The following FRMD1 variants were observed in gnomAD, a reference collection of about 807,000 sequenced individuals.
The protein encoded by FRMD1 is FERM domain-containing protein 1.
FRMD1 carries 51 observed loss-of-function variants against 54.9 expected under a neutral mutation model. That is an observed-to-expected ratio of 0.93 (90% CI 0.74 to 1.17). The LOEUF (loss-of-function observed/expected upper bound fraction) is 1.17. FRMD1 is among the 50% of genes most tolerant of loss of function. The probability of loss-of-function intolerance (pLI) is 0.00; values close to 1 mark genes in which losing one functional copy is unlikely to be tolerated. For missense variants in FRMD1, 729 were observed against 743.0 expected (o/e 0.98, Z 0.22); for synonymous variants, 324 against 306.4 (o/e 1.06, Z -0.60).
At chr6:168,061,278 G>T (rs1262687286) in intron 8 of FRMD1, among the ~76,000 whole-genome samples, 1 of 151,944 alleles carries the variant, frequency 6.6e-6, no homozygotes, top group African/African-American at 2.4e-5. Flanking sequence ...AAACGCTGAG[G>T]CGAGGCCTTG....
intron 7 of FRMD1, 86 bp from the exon 8 acceptor site, chr6:168,062,067 G>A (rs1799772564): frequency 6.4e-6 from 9 of 1,417,152 alleles, no homozygotes; most frequent in Non-Finnish European, 1.9e-6. Context: ...GTCAGCCATG[G>A]CCCCCAGGGG....
Position 168,055,579 on chromosome 6 carries a change from T to C in FRMD1, c.*1518A>G, listed in dbSNP as rs1799369474. ...CCCGGAGCGGGGCAAATCAATCATCTTGTACTAATGGGAATGGCTTTGGGA... is the reference window on the plus strand; with the variant it reads ...CCCGGAGCGGGGCAAATCAATCATCCTGTACTAATGGGAATGGCTTTGGGA... On this transcript the variant is annotated 3_prime_UTR_variant, in exon 11 of 11. Coordinates refer to ENST00000283309, the MANE Select transcript of FRMD1 (RefSeq NM_024919.6). 1 of 152,196 alleles carries C rather than the reference T, an allele frequency of 6.6e-6. No individual in the cohort carries two copies. The allele number at this position is 152,196 out of a possible 1,614,324, so 9.4% of individuals were successfully genotyped here.
At chr6:168,078,816 C>G in intron 1 of FRMD1, 66 bp downstream of exon 1, 1 of 1,362,612 alleles carries the variant, frequency 7.3e-7, no homozygotes, top group Non-Finnish European at 9.7e-7. Flanking sequence ...ACCCCCACGG[C>G]CACCCGGAGC....
At chr6:168,086,443 C>T (rs1295488452), upstream of FRMD1, among the ~76,000 whole-genome samples, 1 of 151,274 alleles carries the variant, frequency 6.6e-6, no homozygotes, top group Non-Finnish European at 1.5e-5. Flanking sequence ...CATGTCCCAA[C>T]ATGGACACTG....
At position 168,057,198 on chromosome 6, in the gene FRMD1, C is replaced by CT; in HGVS notation, c.1548dup (p.Gly517ArgfsTer143). On this transcript the variant is annotated frameshift_variant, in exon 11 of 11. Coordinates refer to ENST00000283309, the MANE Select transcript of FRMD1 (RefSeq NM_024919.6). LOFTEE classifies it low-confidence loss of function (END_TRUNC). Reference sequence around the variant, plus strand: ...AGAGTGGCCCTGGTCTCGCAGGGGCCTGCCAGCCTGCAGTCCAGGGCGCGG... The same window carrying CT: ...AGAGTGGCCCTGGTCTCGCAGGGGCCTTGCCAGCCTGCAGTCCAGGGCGCGG... 6.2e-7 allele frequency: 1 copy of CT among 1,603,020 alleles called. No individual in the cohort carries two copies. The highest frequency in any genetic ancestry group is 8.5e-7 in the Non-Finnish European group (1 of 1,174,298).
At chr6:168,064,247 C>G (rs1197105861) in intron 5 of FRMD1, among the ~76,000 whole-genome samples, 1 of 152,204 alleles carries the variant, frequency 6.6e-6, no homozygotes, top group African/African-American at 2.4e-5. Context: ...GAGAAGGCCC[C>G]AAGGTGCACA....
At position 168,059,545 on chromosome 6, in the gene FRMD1, G is replaced by T. The variant is rs2269681; in HGVS notation, c.1343-357C>A. Among the ~76,000 whole-genome samples the T allele has an allele frequency of 7.2e-5, 11 of 152,236 alleles. No homozygotes were observed. The East Asian group carries it at 2.1e-3, about 30-fold the overall frequency. ...GTGACAGGAATGCCTGGCCCTGGGAGGCCCTAGGTGATGTTTTGTGACCCT... is the reference window on the plus strand; with the variant it reads ...GTGACAGGAATGCCTGGCCCTGGGATGCCCTAGGTGATGTTTTGTGACCCT... On this transcript the variant is annotated intron_variant, in intron 9 of 10. Transcript: ENST00000283309. The surrounding 1 kb of genome is among the most constrained non-coding windows in gnomAD (Gnocchi z 4.4).
chr6:168,059,310 C>T lies in FRMD1; in HGVS notation c.1343-122G>A, dbSNP rs1227074449. On this transcript the variant is annotated intron_variant, in intron 9 of 10. Transcript: ENST00000283309. This position sits in a 1 kb window ranked among gnomAD's most constrained non-coding sequence, Gnocchi z 4.4. ...GGACCGGCATCTCCTGAGGCTCACA[C>T]CGCCCCCTTGCTCTCAGTGCGGTGA... 3 of 765,634 alleles carry T rather than the reference C, an allele frequency of 3.9e-6. No homozygotes were observed. The highest frequency in any genetic ancestry group is 6.4e-6 in the Non-Finnish European group (3 of 471,822). 47.4% of individuals were successfully genotyped at this position (765,634 alleles called of 1,614,324 possible). A position where few individuals can be genotyped will look rare whatever the true frequency, so the allele number is the denominator to read the frequency against.
At chr6:168,072,675 T>C (rs886813506) in intron 2 of FRMD1, among the ~76,000 whole-genome samples, 5 of 152,046 alleles carry the variant, frequency 3.3e-5, no homozygotes, top group African/African-American at 4.8e-5. Flanking sequence ...GGGCAGCCCC[T>C]GAATTCCCCC....
chr6:168,062,600 A>G (rs1370443990), intron 7 of FRMD1: 2 of 1,449,460 alleles, frequency 1.4e-6, no homozygotes, highest in Non-Finnish European at 1.9e-6. Context: ...AGAATTGTCC[A>G]GAAAATGCCC....
chr6:168,067,604 C>T (rs536712346), intron 2 of FRMD1, 158 bp from the exon 3 acceptor site: 8 of 579,460 alleles, frequency 1.4e-5, no homozygotes, highest in East Asian at 1.1e-4. Flanking sequence ...TGGCTGACAA[C>T]GCAGAAAGCA....
intron 2 of FRMD1, among the ~76,000 whole-genome samples, chr6:168,068,583 T>C (rs1325329497): frequency 6.6e-6 from 1 of 152,262 alleles, no homozygotes; most frequent in Non-Finnish European, 1.5e-5. Flanking sequence ...CATATTATTT[T>C]ATTGTTGTAC....
chr6:168,060,681 G>C, intron 9 of FRMD1, 80 bp downstream of exon 9: 2 of 1,430,384 alleles, frequency 1.4e-6, no homozygotes, highest in Non-Finnish European at 9.5e-7. Flanking sequence ...TTGCTGCCTC[G>C]GTGTCCAGGG....
intron 2 of FRMD1, 105 bp downstream of exon 2, chr6:168,075,140 G>A (rs2115009397): frequency 2.2e-6 from 2 of 889,956 alleles, no homozygotes; most frequent in East Asian, 2.4e-5. Flanking sequence ...TGAGAGTGGT[G>A]TATAACTGTG....
intron 1 of FRMD1, among the ~76,000 whole-genome samples, chr6:168,078,307 G>C (rs1268145714): frequency 6.6e-6 from 1 of 152,092 alleles, no homozygotes; most frequent in Non-Finnish European, 1.5e-5. Context: ...TTGGAAACCG[G>C]CTTCCTGGCG....
intron 2 of FRMD1, among the ~76,000 whole-genome samples, chr6:168,072,539 CG>C (rs1800360250): frequency 6.6e-6 from 1 of 152,230 alleles, no homozygotes; most frequent in Non-Finnish European, 1.5e-5. Context: ...TGGGCACAGA[CG>C]AGGCAGAGTG....
At chr6:168,062,101 G>A (rs765512658) in intron 7 of FRMD1, 120 bp from the exon 8 acceptor site, 109 of 1,050,692 alleles carry the variant, frequency 1.0e-4, no homozygotes, top group Non-Finnish European at 1.3e-4. Flanking sequence ...TTTTCACTTC[G>A]CAGTGCAGAT....
intron 1 of FRMD1, among the ~76,000 whole-genome samples, chr6:168,090,829 A>C (rs1250833375): frequency 6.6e-6 from 1 of 152,190 alleles, no homozygotes; most frequent in Non-Finnish European, 1.5e-5. Flanking sequence ...TGTGATTCTC[A>C]GCCGCCCTCT....
At chr6:168,073,835 G>T (rs1284999833) in intron 2 of FRMD1, among the ~76,000 whole-genome samples, 1 of 152,080 alleles carries the variant, frequency 6.6e-6, no homozygotes, top group Non-Finnish European at 1.5e-5. Context: ...TCCCGTGCAG[G>T]GTCCCCGGCT....
Sources: allele counts gnomAD v4.1 joint callset (sites outside exome capture counted in the v4.1 genomes callset), GRCh38; gene constraint gnomAD v4.1.1; non-coding constraint Gnocchi (gnomAD v3.1); transcripts MANE v1.5; gene names NCBI Gene and HGNC (gene_info 2026-07-23, HGNC 2026-07-21).